LRGUK: variants seen among roughly 807,000 people sequenced by gnomAD.
The protein encoded by LRGUK is leucine rich repeats and guanylate kinase domain containing.
A neutral mutation model predicts 76.0 loss-of-function variants in LRGUK; 65 were observed. That is an observed-to-expected ratio of 0.85 (90% CI 0.70 to 1.05). The LOEUF (loss-of-function observed/expected upper bound fraction) is 1.05. Ranked by LOEUF, LRGUK falls within the 50% of genes least tolerant of loss-of-function variation. The pLI is 0.00. For missense variants in LRGUK, 758 were observed against 732.8 expected (o/e 1.03, Z -0.40); for synonymous variants, 268 against 265.6 (o/e 1.01, Z -0.09).
At chr7:134,201,538 T>C in exon 15 of LRGUK, 1 of 1,613,980 alleles carries the variant, frequency 6.2e-7, no homozygotes, top group Non-Finnish European at 8.5e-7. Context: ...TACCTTGGAT[T>C]GACTGAGGAA....
rs190099089 is a variant in LRGUK, at chr7:134,191,523, T to A, written c.1335-132T>A. On this transcript the variant is annotated intron_variant, in intron 11 of 15. Coordinates refer to ENST00000645682, the Ensembl canonical transcript of LRGUK. ...TAGCACTTCGAAACCAACATATTCT[T>A]ACAACTGTATTACTTTATGATTTAT... 3.0e-4 allele frequency: 205 copies of A among 673,952 alleles called. 3 individuals are homozygous for A. In the African/African-American group the frequency reaches 3.3e-3, roughly 11 times the overall value. The allele number at this position is 673,952 out of a possible 1,614,324, so 41.7% of individuals were successfully genotyped here. A position where few individuals can be genotyped will look rare whatever the true frequency, so the allele number is the denominator to read the frequency against.
chr7:134,267,447 C>T (rs1334346919), downstream of LRGUK, among the ~76,000 whole-genome samples: 1 of 152,126 alleles, frequency 6.6e-6, no homozygotes, highest in Non-Finnish European at 1.5e-5. Context: ...GGCTGTGTCC[C>T]CACTATAATC....
chr7:134,197,610 G>C (rs1284165661), intron 13 of LRGUK, among the ~76,000 whole-genome samples: 1 of 152,142 alleles, frequency 6.6e-6, no homozygotes, highest in Non-Finnish European at 1.5e-5. Context: ...CATGAGATGT[G>C]TGGGCTGTGC....
intron 16 of LRGUK, among the ~76,000 whole-genome samples, chr7:134,238,060 C>A (rs956474292): frequency 6.6e-6 from 1 of 152,156 alleles, no homozygotes; most frequent in African/African-American, 2.4e-5. Flanking sequence ...TTCTCCCCCC[C>A]ATTATTTATG....
intron 5 of LRGUK, among the ~76,000 whole-genome samples, chr7:134,157,296 A>G (rs1330049304): frequency 1.3e-5 from 2 of 152,136 alleles, no homozygotes; most frequent in East Asian, 3.9e-4. Flanking sequence ...GCTGCAGATG[A>G]CATCTCCCAG....
intron 15 of LRGUK, chr7:134,208,689 C>A (rs1585558221): frequency 2.5e-6 from 1 of 398,766 alleles, no homozygotes; most frequent in South Asian, 1.3e-4. Flanking sequence ...TAGTTAATTT[C>A]TTTTTATATT....
At chr7:134,146,957 T>A (rs1797996511) in intron 4 of LRGUK, among the ~76,000 whole-genome samples, 1 of 152,180 alleles carries the variant, frequency 6.6e-6, no homozygotes. Context: ...AAAACTTTTT[T>A]TGTTTATCTT....
intron 16 of LRGUK, among the ~76,000 whole-genome samples, chr7:134,231,944 C>T (rs1184711665): frequency 6.6e-6 from 1 of 151,406 alleles, no homozygotes; most frequent in Non-Finnish European, 1.5e-5. Flanking sequence ...CTTCTTTTGC[C>T]TTCTTCCCAT....
intron 11 of LRGUK, among the ~76,000 whole-genome samples, chr7:134,189,430 G>T (rs1800108065): frequency 6.6e-6 from 1 of 152,072 alleles, no homozygotes; most frequent in South Asian, 2.1e-4. Context: ...TTCTATATGT[G>T]AAAATTGGAT....
rs920955360 is a variant in LRGUK, at chr7:134,206,532, C to CAT, written c.1844-2163_1844-2162dup. On this transcript the variant is annotated intron_variant, in intron 15 of 15. Transcript: ENST00000645682. ...CCATCTCAAAATAAATAAATAAATA[C>CAT]ATATATATATATAATATATGTATGT... Among the ~76,000 whole-genome samples, 79 of 149,182 alleles carry CAT rather than the reference C, an allele frequency of 5.3e-4. No individual in the cohort carries two copies. In the Middle Eastern group the frequency reaches 0.018, roughly 34 times the overall value.
chr7:134,263,752 G>A (rs71255572), intron 19 of LRGUK, 93 bp from the exon 20 acceptor site: 1 of 1,206,090 alleles, frequency 8.3e-7, no homozygotes, highest in Non-Finnish European at 1.1e-6. Flanking sequence ...ACGAATTCTA[G>A]AAATTGTTCT....
At chr7:134,228,077 T>A (rs189283231) in intron 16 of LRGUK, among the ~76,000 whole-genome samples, 34 of 152,158 alleles carry the variant, frequency 2.2e-4, no homozygotes, top group Admixed American at 1.7e-3. Context: ...TGTACTAAAA[T>A]TAAAAACAAA....
intron 8 of LRGUK, among the ~76,000 whole-genome samples, chr7:134,175,570 A>G (rs1799444568): frequency 6.6e-6 from 1 of 152,186 alleles, no homozygotes; most frequent in South Asian, 2.1e-4. Context: ...CGTTTGACAC[A>G]TTAACTGATT....
intron 3 of LRGUK, among the ~76,000 whole-genome samples, chr7:134,142,008 G>A (rs145449290): frequency 3.3e-4 from 50 of 152,290 alleles, no homozygotes; most frequent in African/African-American, 1.1e-3. Context: ...TACATAGCAT[G>A]TCCTACCCAC....
chr7:134,249,906 A>G (rs375008052), intron 18 of LRGUK, among the ~76,000 whole-genome samples: 1 of 152,216 alleles, frequency 6.6e-6, no homozygotes. Flanking sequence ...GTCAATTGCC[A>G]TCTACTACGG....
chr7:134,230,181 A>C (rs1281293024), intron 16 of LRGUK, among the ~76,000 whole-genome samples: 1 of 152,216 alleles, frequency 6.6e-6, no homozygotes, highest in African/African-American at 2.4e-5. Flanking sequence ...ACAAATTATT[A>C]AGAAAAAAAT....
At chr7:134,129,477 C>T (rs1797210094) in intron 1 of LRGUK, among the ~76,000 whole-genome samples, 1 of 123,840 alleles carries the variant, frequency 8.1e-6, no homozygotes, top group Admixed American at 8.4e-5. Flanking sequence ...CCTCTTCTCT[C>T]CTCTTCTCTT....
At chr7:134,244,122 C>T (rs1194205583) in intron 16 of LRGUK, among the ~76,000 whole-genome samples, 1 of 152,130 alleles carries the variant, frequency 6.6e-6, no homozygotes, top group Non-Finnish European at 1.5e-5. Flanking sequence ...TAGGCAATAC[C>T]ATTCAAGACA....
chr7:134,158,112 A>G (rs983926538), exon 6 of LRGUK: 1 of 1,613,300 alleles, frequency 6.2e-7, no homozygotes, highest in South Asian at 1.1e-5. Context: ...CAATAAGATC[A>G]CGACAATTAA....
Sources: allele counts gnomAD v4.1 joint callset (sites outside exome capture counted in the v4.1 genomes callset), GRCh38; gene constraint gnomAD v4.1.1; transcripts MANE v1.5; gene names NCBI Gene and HGNC (gene_info 2026-07-23, HGNC 2026-07-21).